Variants in RMND1 observed in about 807,000 individuals in gnomAD.
RMND1 encodes required for meiotic nuclear division protein 1 homolog.
A neutral mutation model predicts 54.0 loss-of-function variants in RMND1; 41 were observed. The observed-to-expected ratio is 0.76, with a 90% confidence interval of 0.59 to 0.98. RMND1 has a LOEUF of 0.98. RMND1 is among the 50% of genes least tolerant of loss of function. The probability of loss-of-function intolerance (pLI) is 0.00; values close to 1 mark genes in which losing one functional copy is unlikely to be tolerated. For synonymous variants in RMND1, 183 were observed against 181.7 expected, an observed-to-expected ratio of 1.01 and a Z score of -0.06; for missense variants, 457 against 532.0, an observed-to-expected ratio of 0.86 and a Z score of 1.39.
In RMND1 at chr6:151,427,494, T is replaced by C. The variant is rs766739125; in HGVS notation, c.818A>G (p.Tyr273Cys). ...AAAAGTTGCTTACTCTATTTTTATG[T>C]AGTTAAGTTCTTCATTTTCCCAGTG... Reference protein sequence around the residue: ...LVHWENEELNYIKIEGQSKLH... With the variant: ...LVHWENEELNCIKIEGQSKLH... Residue 273 changes from tyrosine to cysteine, a missense_variant, in exon 6 of 12, where the codon TAC becomes TGC. Physicochemically the swap from Tyr to Cys is radical, Grantham distance 194 (BLOSUM62 -2). Coordinates refer to ENST00000444024, the MANE Select transcript of RMND1 (RefSeq NM_017909.4). 1 of 1,601,008 alleles carries C rather than the reference T, an allele frequency of 6.2e-7. No individual in the cohort carries two copies. The highest frequency in any genetic ancestry group is 1.3e-5 in the African/African-American group (1 of 74,690).
At chr6:151,406,264 A>G (rs1267749755) in intron 10 of RMND1, among the ~76,000 whole-genome samples, 1 of 152,230 alleles carries the variant, frequency 6.6e-6, no homozygotes, top group Non-Finnish European at 1.5e-5. Flanking sequence ...GAACTGCAAC[A>G]GTTCTGCATT....
At chr6:151,451,208 A>AAAC (rs1554348701) in intron 1 of RMND1, among the ~76,000 whole-genome samples, 6 of 151,694 alleles carry the variant, frequency 4.0e-5, no homozygotes, top group Admixed American at 2.0e-4. Context: ...TAAAAAAAAA[A>AAAC]AAAAAAAAAA....
intron 4 of RMND1, 70 bp from the exon 5 acceptor site, chr6:151,430,247 C>T: frequency 9.2e-7 from 1 of 1,084,150 alleles, no homozygotes; most frequent in Admixed American, 2.0e-5. Context: ...GTATATAAAA[C>T]CATGTAACTT....
chr6:151,436,361 A>G (rs540384384), intron 3 of RMND1, 85 bp downstream of exon 3: 2 of 1,480,756 alleles, frequency 1.4e-6, no homozygotes, highest in Admixed American at 1.9e-5. Context: ...AATGAATTGC[A>G]AACAAATACA....
chr6:151,445,896 T>G, intron 1 of RMND1, 71 bp from the exon 2 acceptor site: 4 of 1,309,720 alleles, frequency 3.1e-6, no homozygotes, highest in Non-Finnish European at 4.1e-6. Context: ...TTTCCCTAGG[T>G]AGCAGGCATA....
intron 2 of RMND1, among the ~76,000 whole-genome samples, chr6:151,437,364 T>TC (rs2114960212): frequency 6.6e-6 from 1 of 152,336 alleles, no homozygotes; most frequent in African/African-American, 2.4e-5. Context: ...CTACTCTAGG[T>TC]CGCTATGTAT....
chr6:151,426,841 C>A (rs1780310253), intron 6 of RMND1, among the ~76,000 whole-genome samples: 1 of 151,992 alleles, frequency 6.6e-6, no homozygotes, highest in African/African-American at 2.4e-5. Context: ...GTGATCTCGG[C>A]TCACTGCAAC....
At chr6:151,431,967 C>T (rs1401051340) in intron 4 of RMND1, among the ~76,000 whole-genome samples, 1 of 150,462 alleles carries the variant, frequency 6.6e-6, no homozygotes, top group Non-Finnish European at 1.5e-5. Context: ...GGCAGAGTCT[C>T]ACTCTGTCAC....
At chr6:151,407,409 C>T (rs1779663834) in intron 10 of RMND1, among the ~76,000 whole-genome samples, 1 of 152,152 alleles carries the variant, frequency 6.6e-6, no homozygotes, top group African/African-American at 2.4e-5. Flanking sequence ...CTTCAGACTA[C>T]TGATTCAGCC....
Position 151,417,357 on chromosome 6 carries a change from A to G in RMND1, c.1122T>C (p.Asp374=). 6.2e-7 allele frequency: 1 copy of G among 1,612,354 alleles called. No homozygotes were observed. Among genetic ancestry groups the G allele is most frequent in the Non-Finnish European group, 8.5e-7 (1 of 1,179,154 alleles). The change falls in exon 10 of 12, where the codon GAT becomes GAC. Residue 374 remains aspartate, a synonymous_variant. Coordinates refer to ENST00000444024, the MANE Select transcript of RMND1 (RefSeq NM_017909.4). ...CCAGGTTTTCTCTGTCCCAGTAGAA[A>G]TCAGGAGTAATCAGGAAGTCTGAAC... The part of the protein sequence containing the change: ...NLSSDFLITP[D]FYWDRENLEG...
intron 2 of RMND1, among the ~76,000 whole-genome samples, chr6:151,439,633 C>A (rs2114963222): frequency 6.6e-6 from 1 of 152,172 alleles, no homozygotes; most frequent in East Asian, 1.9e-4. Context: ...CGGTGGCAGG[C>A]ATTATTATTT....
At chr6:151,451,198 TAA>T (rs58457871) in intron 1 of RMND1, among the ~76,000 whole-genome samples, 10,876 of 113,350 alleles carry the variant, frequency 0.096, 562 homozygotes, top group East Asian at 0.17. Context: ...GAATGATCAA[TAA>T]AAAAAAAAAA....
chr6:151,437,665 C>G (rs751214771), intron 2 of RMND1, among the ~76,000 whole-genome samples: 8 of 152,196 alleles, frequency 5.3e-5, no homozygotes, highest in Non-Finnish European at 1.0e-4. Context: ...CTCCTCTCAG[C>G]TCCCCAATTC....
intron 6 of RMND1, among the ~76,000 whole-genome samples, chr6:151,427,117 G>A (rs982573258): frequency 1.3e-5 from 2 of 150,938 alleles, no homozygotes; most frequent in Non-Finnish European, 3.0e-5. Context: ...AGTGGCTCAC[G>A]CCTGTAATCC....
At chr6:151,413,106 G>A (rs1033075819) in intron 10 of RMND1, among the ~76,000 whole-genome samples, 2 of 152,136 alleles carry the variant, frequency 1.3e-5, no homozygotes, top group African/African-American at 4.8e-5. Context: ...TAGCCTGAGA[G>A]GAACCAAATC....
chr6:151,417,520 C>G (rs984345507), intron 9 of RMND1, 121 bp from the exon 10 acceptor site: 1 of 697,966 alleles, frequency 1.4e-6, no homozygotes, highest in Non-Finnish European at 2.2e-6. Context: ...GAGAGAGGGT[C>G]TTGCTATGTT....
chr6:151,407,627 G>T (rs1241121015), intron 10 of RMND1, among the ~76,000 whole-genome samples: 1 of 152,150 alleles, frequency 6.6e-6, no homozygotes, highest in Non-Finnish European at 1.5e-5. Flanking sequence ...AGTCCCTATG[G>T]CCGGGTGCAG....
chr6:151,411,552 T>A (rs978364543), intron 10 of RMND1: 3 of 152,208 alleles, frequency 2.0e-5, no homozygotes, highest in South Asian at 2.1e-4. Flanking sequence ...ATAACTGCAG[T>A]TGATCTCAGC....
intron 1 of RMND1, among the ~76,000 whole-genome samples, chr6:151,451,577 T>C (rs1781199296): frequency 6.6e-6 from 1 of 152,200 alleles, no homozygotes; most frequent in Non-Finnish European, 1.5e-5. Context: ...TTTCCTATTA[T>C]ATCTCCTGAC....
Sources: gnomAD v4.1 joint callset for allele counts (sites outside exome capture counted in the v4.1 genomes callset) on GRCh38, gnomAD v4.1.1 for gene constraint, MANE v1.5 for transcripts, NCBI Gene and HGNC (gene_info 2026-07-23, HGNC 2026-07-21) for gene names.